Variants in MARCHF3 observed in about 807,000 individuals in gnomAD.
The protein encoded by MARCHF3 is membrane associated ring-CH-type finger 3, also known as E3 ubiquitin-protein ligase MARCHF3.
Under a neutral mutation model 24.2 loss-of-function variants are expected in MARCHF3, and 13 were observed. The observed-to-expected ratio is 0.54, with a 90% CI of 0.35 to 0.85. The LOEUF is 0.85. Ranked by LOEUF, MARCHF3 falls within the 40% of genes least tolerant of loss-of-function variation. The pLI is 0.01. For synonymous variants in MARCHF3, 144 were observed against 137.3 expected (o/e 1.05, Z -0.34); for missense variants, 276 against 325.0 (o/e 0.85, Z 1.16).
chr5:126,931,943 C>T (rs1008032574), intron 1 of MARCHF3, among the ~76,000 whole-genome samples: 1 of 152,194 alleles, frequency 6.6e-6, no homozygotes, highest in Non-Finnish European at 1.5e-5. Flanking sequence ...TGAATCCCTT[C>T]GATTTTCCAT....
At chr5:126,966,905 C>CTTTTTTT (rs779454094) in intron 1 of MARCHF3, among the ~76,000 whole-genome samples, 1 of 4,494 alleles carries the variant, frequency 2.2e-4, no homozygotes, top group African/African-American at 7.0e-4. Flanking sequence ...CTGTGAGAGC[C>CTTTTTTT]TTTTTTTTTT....
chr5:126,889,805 C>T (rs1753621281), intron 3 of MARCHF3, among the ~76,000 whole-genome samples: 1 of 152,166 alleles, frequency 6.6e-6, no homozygotes, highest in South Asian at 2.1e-4. Context: ...TAAGTTCATG[C>T]ACCACGATGG....
At chr5:126,999,267 T>C (rs767479076) in intron 1 of MARCHF3, among the ~76,000 whole-genome samples, 49 of 152,212 alleles carry the variant, frequency 3.2e-4, no homozygotes, top group Non-Finnish European at 7.3e-5. Flanking sequence ...TTTTTCCAGA[T>C]GGCAGACTTT....
rs532290270 is a variant in MARCHF3 at position 126,904,102 on chromosome 5, T to A, written c.393+10828A>T. The stretch of plus-strand genomic sequence containing the variant: ...TCTTGCGATAGTTTACTGAGAATGA[T>A]GATTTCCAATTTCATCCACGTCCCT... On this transcript the variant is annotated intron_variant, in intron 3 of 4. Transcript: ENST00000308660. 7.1e-3 allele frequency among the ~76,000 whole-genome samples: 1,068 copies of A among 150,406 alleles called. 10 individuals are homozygous for A. Among genetic ancestry groups the A allele is most frequent in the African/African-American group, 0.025 (1,016 of 40,318 alleles).
intron 1 of MARCHF3, among the ~76,000 whole-genome samples, chr5:126,949,244 C>T (rs1236929714): frequency 6.6e-6 from 1 of 152,126 alleles, no homozygotes; most frequent in Non-Finnish European, 1.5e-5. Context: ...AATTAATCCT[C>T]CTTAATGGAT....
At chr5:126,929,918 G>A (rs1189783074) in intron 1 of MARCHF3, among the ~76,000 whole-genome samples, 3 of 152,132 alleles carry the variant, frequency 2.0e-5, no homozygotes, top group Admixed American at 1.3e-4. Flanking sequence ...CTTGCAAGAC[G>A]TGACTGTGCT....
At chr5:126,931,883 A>G (rs1185866891) in intron 1 of MARCHF3, among the ~76,000 whole-genome samples, 1 of 152,186 alleles carries the variant, frequency 6.6e-6, no homozygotes, top group Non-Finnish European at 1.5e-5. Flanking sequence ...GGTGATAATA[A>G]TAATAATAAT....
intron 3 of MARCHF3, among the ~76,000 whole-genome samples, chr5:126,894,450 G>A (rs374121186): frequency 0.02 from 2,976 of 150,838 alleles, 66 homozygotes; most frequent in South Asian, 0.11. Flanking sequence ...CATGTTTAGC[G>A]CTTCCTTCAG....
intron 3 of MARCHF3, among the ~76,000 whole-genome samples, chr5:126,914,140 T>C (rs138333958): frequency 0.016 from 2,408 of 151,836 alleles, 65 homozygotes; most frequent in South Asian, 0.12. Flanking sequence ...CCCGCCACCA[T>C]GCCCGGCTAA....
intron 1 of MARCHF3, among the ~76,000 whole-genome samples, chr5:126,992,496 A>C (rs1269755596): frequency 1.3e-5 from 2 of 152,200 alleles, no homozygotes; most frequent in East Asian, 3.8e-4. Flanking sequence ...CTATTTTGTT[A>C]AAGTGAGTAA....
At chr5:126,934,566 G>A (rs1749579523) in intron 1 of MARCHF3, among the ~76,000 whole-genome samples, 2 of 151,846 alleles carry the variant, frequency 1.3e-5, no homozygotes, top group Non-Finnish European at 2.9e-5. Context: ...CTTAGTAATG[G>A]CTTGCAAGCA....
intron 1 of MARCHF3, among the ~76,000 whole-genome samples, chr5:127,024,777 T>C (rs1451385091): frequency 6.6e-6 from 1 of 152,046 alleles, no homozygotes; most frequent in East Asian, 1.9e-4. Context: ...GGTGGGGGAG[T>C]GTACTCATAA....
In MARCHF3 at chr5:126,890,857, C is replaced by T. The variant is rs1301453503; in HGVS notation, c.394-12463G>A. On this transcript the variant is annotated intron_variant, in intron 3 of 4. Coordinates refer to ENST00000308660, the MANE Select transcript of MARCHF3 (RefSeq NM_178450.5). ...TTCTAGTTCTAGATCTCTGAGGAAT[C>T]GCCACACTGACTTCCACAATGGTTG... Among the ~76,000 whole-genome samples, 11 of 147,344 alleles carry T rather than the reference C, an allele frequency of 7.5e-5. 1 individual carries two copies. The highest frequency in any genetic ancestry group is 2.2e-4 in the South Asian group (1 of 4,534).
At chr5:126,948,307 G>A (rs1242841992) in intron 1 of MARCHF3, among the ~76,000 whole-genome samples, 1 of 152,120 alleles carries the variant, frequency 6.6e-6, no homozygotes, top group African/African-American at 2.4e-5. Flanking sequence ...CCTTGTATAG[G>A]TTTTGCATCC....
chr5:126,980,121 A>T (rs987683631), intron 1 of MARCHF3, among the ~76,000 whole-genome samples: 1 of 152,092 alleles, frequency 6.6e-6, no homozygotes, highest in African/African-American at 2.4e-5. Flanking sequence ...GGAAAGCAAA[A>T]TCTTTCCTCT....
chr5:126,870,874 T>G, intron 4 of MARCHF3, 83 bp from the exon 5 acceptor site: 1 of 1,541,814 alleles, frequency 6.5e-7, no homozygotes, highest in Non-Finnish European at 8.8e-7. Context: ...AATATGTCAT[T>G]TGAAAGAGCT....
intron 1 of MARCHF3, among the ~76,000 whole-genome samples, chr5:126,968,264 T>C (rs901564695): frequency 2.6e-5 from 4 of 152,232 alleles, no homozygotes; most frequent in Non-Finnish European, 5.9e-5. Context: ...AGGAGTGGAA[T>C]TGCTAGGTCA....
At chr5:126,959,220 G>C (rs1026564348) in intron 1 of MARCHF3, among the ~76,000 whole-genome samples, 3 of 152,138 alleles carry the variant, frequency 2.0e-5, no homozygotes, top group African/African-American at 7.2e-5. Context: ...CAGTGATAGG[G>C]CATGTTGGTA....
chr5:126,937,162 C>T (rs115006900), intron 1 of MARCHF3, among the ~76,000 whole-genome samples: 1,688 of 152,332 alleles, frequency 0.011, 11 homozygotes, highest in African/African-American at 0.014. Flanking sequence ...ATGTAACAAA[C>T]GGTCATCAGT....
Sources: allele counts gnomAD v4.1 joint callset (sites outside exome capture counted in the v4.1 genomes callset), GRCh38; gene constraint gnomAD v4.1.1; transcripts MANE v1.5; gene names NCBI Gene and HGNC (gene_info 2026-07-23, HGNC 2026-07-21).